Variants in PPFIBP2 observed in about 807,000 individuals in gnomAD.
The protein encoded by PPFIBP2 is PPFIB scaffold protein 2.
PPFIBP2 carries 118 observed loss-of-function variants against 118.3 expected under a neutral mutation model. The observed-to-expected ratio is 1.00, with a 90% CI of 0.86 to 1.16. The LOEUF is 1.16. PPFIBP2 is among the 50% of genes most tolerant of loss of function. PPFIBP2 has a pLI of 0.00. For missense variants in PPFIBP2, 1,195 were observed against 1,073.1 expected, an observed-to-expected ratio of 1.11 and a Z score of -1.59; for synonymous variants, 414 against 397.4, an observed-to-expected ratio of 1.04 and a Z score of -0.50.
At chr11:7,541,856 G>T (rs1362871839) in intron 1 of PPFIBP2, among the ~76,000 whole-genome samples, 1 of 152,094 alleles carries the variant, frequency 6.6e-6, no homozygotes, top group Non-Finnish European at 1.5e-5. Flanking sequence ...ACATTCTCTA[G>T]GTACTCAGGG....
intron 12 of PPFIBP2, among the ~76,000 whole-genome samples, chr11:7,633,507 G>T (rs1193618618): frequency 3.3e-5 from 5 of 152,156 alleles, no homozygotes; most frequent in Non-Finnish European, 7.3e-5. Flanking sequence ...TGAGCCCCAT[G>T]TAAGGGAGAC....
intron 17 of PPFIBP2, among the ~76,000 whole-genome samples, chr11:7,644,270 T>G (rs1312964835): frequency 6.6e-6 from 1 of 152,240 alleles, no homozygotes. Context: ...TTATATAGAA[T>G]TAGGTTCATC....
chr11:7,634,585 G>A (rs1194512011), intron 13 of PPFIBP2, 33 bp downstream of exon 13: 17 of 1,583,770 alleles, frequency 1.1e-5, no homozygotes, highest in Non-Finnish European at 1.4e-5. Context: ...AAAGATGACT[G>A]AGTTACTTTT....
At chr11:7,655,888 C>T (rs1854640744), downstream of PPFIBP2, among the ~76,000 whole-genome samples, 1 of 152,164 alleles carries the variant, frequency 6.6e-6, no homozygotes. Flanking sequence ...ACCCTCTGCC[C>T]AGAGACATAT....
intron 2 of PPFIBP2, among the ~76,000 whole-genome samples, chr11:7,559,586 G>A (rs7112273): frequency 0.52 from 78,951 of 151,960 alleles, 22,295 homozygotes; most frequent in African/African-American, 0.75. Flanking sequence ...ATGTCTCACT[G>A]GGGGGTGAGG....
At chr11:7,644,418 A>G (rs767538068) in intron 17 of PPFIBP2, among the ~76,000 whole-genome samples, 4 of 152,248 alleles carry the variant, frequency 2.6e-5, no homozygotes, top group Non-Finnish European at 4.4e-5. Context: ...GCAGTAAAGT[A>G]TAATGTTTAA....
intron 13 of PPFIBP2, among the ~76,000 whole-genome samples, 192 bp downstream of exon 13, chr11:7,634,744 A>T (rs2135803701): frequency 6.6e-6 from 1 of 152,328 alleles, no homozygotes; most frequent in South Asian, 2.1e-4. Context: ...AGGAAGGACA[A>T]TTCAGGAAAT....
At chr11:7,580,184 T>C (rs1047953102) in intron 3 of PPFIBP2, among the ~76,000 whole-genome samples, 1 of 152,088 alleles carries the variant, frequency 6.6e-6, no homozygotes, top group African/African-American at 2.4e-5. Context: ...GATGACCACC[T>C]CCTCTCTAAC....
chr11:7,591,613 G>C (rs1859321456), intron 3 of PPFIBP2, among the ~76,000 whole-genome samples: 1 of 152,006 alleles, frequency 6.6e-6, no homozygotes, highest in Non-Finnish European at 1.5e-5. Flanking sequence ...GATTGTTAAG[G>C]TTCTTTGTCT....
At chr11:7,598,320 C>T in intron 5 of PPFIBP2, 1 of 271,602 alleles carries the variant, frequency 3.7e-6, no homozygotes. Context: ...GCTGTATTGT[C>T]ATCTTTACTA....
At chr11:7,649,406 T>A in intron 20 of PPFIBP2, 126 bp from the exon 21 acceptor site, 1 of 1,335,764 alleles carries the variant, frequency 7.5e-7, no homozygotes, top group Non-Finnish European at 1.1e-6. Flanking sequence ...TGATAAGCTA[T>A]TGGTGTCTCC....
chr11:7,637,247 G>C (rs1404290248), intron 14 of PPFIBP2, among the ~76,000 whole-genome samples: 1 of 152,170 alleles, frequency 6.6e-6, no homozygotes, highest in African/African-American at 2.4e-5. Context: ...TATTCTTCAA[G>C]TTCTGCCCTG....
At chr11:7,637,964 C>T (rs896703822) in intron 14 of PPFIBP2, among the ~76,000 whole-genome samples, 4 of 152,144 alleles carry the variant, frequency 2.6e-5, no homozygotes, top group African/African-American at 7.2e-5. Context: ...AGGGAGCATG[C>T]GTGATGATGC....
intron 2 of PPFIBP2, among the ~76,000 whole-genome samples, chr11:7,550,243 T>C (rs1852814345): frequency 1.3e-5 from 2 of 152,246 alleles, no homozygotes; most frequent in Admixed American, 6.5e-5. Flanking sequence ...TGACTTTACC[T>C]GATACACTTC....
At position 7,653,271 on chromosome 11, in the gene PPFIBP2, T is replaced by C; in HGVS notation, c.*53T>C. On this transcript the variant is annotated 3_prime_UTR_variant, in exon 24 of 24. Transcript: ENST00000299492. ...CCTGAGAGCTCACAGTAACACTGTG[T>C]GTGTCACCATATAACTGCACCTCAC... 2 of 1,608,368 alleles carry C rather than the reference T, an allele frequency of 1.2e-6. No individual in the cohort carries two copies. Among genetic ancestry groups the C allele is most frequent in the African/African-American group, 1.3e-5 (1 of 74,908 alleles).
chr11:7,519,655 G>A (rs989275117), intron 1 of PPFIBP2, among the ~76,000 whole-genome samples: 3 of 152,146 alleles, frequency 2.0e-5, no homozygotes, highest in Non-Finnish European at 4.4e-5. Context: ...TGAAGGGTAG[G>A]CACAGGAGAA....
At chr11:7,639,239 A>C (rs1483139661) in intron 14 of PPFIBP2, among the ~76,000 whole-genome samples, 1 of 152,100 alleles carries the variant, frequency 6.6e-6, no homozygotes, top group African/African-American at 2.4e-5. Flanking sequence ...CAGGAAAGCA[A>C]ATCTGGGGGA....
At chr11:7,519,202 A>T (rs1849510856) in intron 1 of PPFIBP2, among the ~76,000 whole-genome samples, 1 of 152,120 alleles carries the variant, frequency 6.6e-6, no homozygotes, top group Admixed American at 6.6e-5. Context: ...TTGCGGGGTT[A>T]AAGAAGATGG....
chr11:7,659,467 T>C (rs974023741), downstream of PPFIBP2, among the ~76,000 whole-genome samples: 5 of 149,874 alleles, frequency 3.3e-5, no homozygotes, highest in Admixed American at 1.3e-4. Flanking sequence ...ATATGTGGCG[T>C]TATTTCTGAG....
Sources: allele counts gnomAD v4.1 joint callset (sites outside exome capture counted in the v4.1 genomes callset), GRCh38; gene constraint gnomAD v4.1.1; transcripts MANE v1.5; gene names NCBI Gene and HGNC (gene_info 2026-07-23, HGNC 2026-07-21).